TSGA10: variants seen among roughly 807,000 people sequenced by gnomAD.
TSGA10 encodes testis specific 10, also known as testis-specific gene 10 protein.
TSGA10 carries 43 observed loss-of-function variants against 96.6 expected under a neutral mutation model. The observed-to-expected ratio is 0.44, with a 90% CI of 0.35 to 0.57. TSGA10 has a LOEUF of 0.57. TSGA10 is among the 20% of genes least tolerant of loss of function. The pLI is 0.01. For synonymous variants in TSGA10, 229 were observed against 269.9 expected, an observed-to-expected ratio of 0.85 and a Z score of 1.48; for missense variants, 703 against 834.4, an observed-to-expected ratio of 0.84 and a Z score of 1.94.
At chr2:99,053,102 A>T (rs1212096286) in intron 16 of TSGA10, among the ~76,000 whole-genome samples, 1 of 151,950 alleles carries the variant, frequency 6.6e-6, no homozygotes, top group East Asian at 1.9e-4. Context: ...GATAGTTAAG[A>T]TTTAAAAAAA....
At chr2:99,017,256 A>C (rs1413681341) in intron 20 of TSGA10, among the ~76,000 whole-genome samples, 5 of 152,206 alleles carry the variant, frequency 3.3e-5, no homozygotes, top group African/African-American at 1.2e-4. Flanking sequence ...AACCAGCCTA[A>C]ATGCCCATTG....
At chr2:99,029,581 G>A (rs557362660) in intron 17 of TSGA10, among the ~76,000 whole-genome samples, 32 of 152,068 alleles carry the variant, frequency 2.1e-4, no homozygotes, top group African/African-American at 4.3e-4. Flanking sequence ...GGGATGGAAG[G>A]CTGGTTCAAT....
intron 17 of TSGA10, among the ~76,000 whole-genome samples, chr2:99,031,204 T>C (rs2081096393): frequency 6.7e-6 from 1 of 149,150 alleles, no homozygotes; most frequent in African/African-American, 2.5e-5. Context: ...AATTGATTTT[T>C]CACAAGGGTA....
At chr2:99,067,016 C>T (rs2085331152) in intron 15 of TSGA10, among the ~76,000 whole-genome samples, 1 of 152,196 alleles carries the variant, frequency 6.6e-6, no homozygotes, top group African/African-American at 2.4e-5. Context: ...CCTTAAATAA[C>T]TTATATGTTT....
intron 1 of TSGA10, chr2:99,142,172 A>C (rs1370209168): frequency 6.6e-6 from 1 of 152,282 alleles, no homozygotes; most frequent in Non-Finnish European, 1.5e-5. Context: ...TTTGGAGCCC[A>C]GAATGGGGGG....
chr2:99,015,632 T>A (rs2079445965), intron 20 of TSGA10, among the ~76,000 whole-genome samples: 1 of 152,074 alleles, frequency 6.6e-6, no homozygotes, highest in Non-Finnish European at 1.5e-5. Flanking sequence ...CAACATAGTA[T>A]CTGAAGTCCT....
intron 16 of TSGA10, among the ~76,000 whole-genome samples, chr2:99,047,075 T>C (rs7340403): frequency 0.35 from 53,352 of 151,980 alleles, 10,702 homozygotes; most frequent in African/African-American, 0.55. Flanking sequence ...ATTGAGGCAA[T>C]AATTAATAGC....
chr2:99,112,857 C>A (rs1019541298), intron 4 of TSGA10, among the ~76,000 whole-genome samples: 1 of 144,278 alleles, frequency 6.9e-6, no homozygotes, highest in African/African-American at 2.5e-5. Context: ...TGTTGTCCCC[C>A]ACCCCACCCT....
intron 20 of TSGA10, among the ~76,000 whole-genome samples, chr2:99,012,354 A>C (rs1474383024): frequency 2.0e-5 from 3 of 152,212 alleles, no homozygotes; most frequent in Non-Finnish European, 4.4e-5. Context: ...GTTGAATGTA[A>C]AGAGCCTAAA....
chr2:99,130,592 T>C (rs2105022018), intron 1 of TSGA10, among the ~76,000 whole-genome samples: 1 of 152,328 alleles, frequency 6.6e-6, no homozygotes, highest in South Asian at 2.1e-4. Context: ...ACTCTGATGA[T>C]AGTTTCTTTT....
intron 17 of TSGA10, among the ~76,000 whole-genome samples, chr2:99,027,939 T>G (rs1450538081): frequency 6.6e-6 from 1 of 152,232 alleles, no homozygotes. Context: ...TTGTTATGGT[T>G]GGCTTATTTC....
intron 10 of TSGA10, among the ~76,000 whole-genome samples, chr2:99,086,960 T>C (rs2088515215): frequency 6.6e-6 from 1 of 151,536 alleles, no homozygotes; most frequent in Non-Finnish European, 1.5e-5. Flanking sequence ...ATCCCAGCAC[T>C]TTGGGAGGCC....
chr2:99,015,841 C>T (rs2079472154), intron 20 of TSGA10, among the ~76,000 whole-genome samples: 2 of 152,142 alleles, frequency 1.3e-5, no homozygotes, highest in African/African-American at 2.4e-5. Context: ...CACTGCTATA[C>T]ACCAACAGCA....
intron 16 of TSGA10, among the ~76,000 whole-genome samples, chr2:99,051,433 C>T (rs1040229103): frequency 1.3e-5 from 2 of 151,888 alleles, no homozygotes; most frequent in African/African-American, 2.4e-5. Flanking sequence ...ATCAGAAATG[C>T]GTAAGAATAT....
At chr2:99,026,520 T>C (rs1486899097) in intron 17 of TSGA10, among the ~76,000 whole-genome samples, 1 of 151,974 alleles carries the variant, frequency 6.6e-6, no homozygotes, top group South Asian at 2.1e-4. Context: ...CCCAGGTTCA[T>C]GCCATTCTCC....
At chr2:99,103,595 C>A (rs74767759) in intron 10 of TSGA10, among the ~76,000 whole-genome samples, 1 of 152,150 alleles carries the variant, frequency 6.6e-6, no homozygotes, top group African/African-American at 2.4e-5. Flanking sequence ...AACTGCCAAA[C>A]CTGTGCTTTG....
At chr2:99,010,407 A>C (rs2078904414) in intron 20 of TSGA10, among the ~76,000 whole-genome samples, 3 of 152,210 alleles carry the variant, frequency 2.0e-5, no homozygotes, top group Non-Finnish European at 2.9e-5. Context: ...CAGGTGAAAA[A>C]CTGTGAGTTC....
intron 12 of TSGA10, among the ~76,000 whole-genome samples, chr2:99,074,280 C>T (rs2086393049): frequency 6.6e-6 from 1 of 151,864 alleles, no homozygotes; most frequent in Non-Finnish European, 1.5e-5. Context: ...TCCCAAAGTG[C>T]TGGGATTACA....
intron 12 of TSGA10, among the ~76,000 whole-genome samples, chr2:99,074,974 T>C (rs2086519017): frequency 6.6e-6 from 1 of 152,048 alleles, no homozygotes; most frequent in Non-Finnish European, 1.5e-5. Context: ...AAAAGTCCTT[T>C]CTTGATTAAC....
Sources: gnomAD v4.1 joint callset for allele counts (sites outside exome capture counted in the v4.1 genomes callset) on GRCh38, gnomAD v4.1.1 for gene constraint, MANE v1.5 for transcripts, NCBI Gene and HGNC (gene_info 2026-07-23, HGNC 2026-07-21) for gene names.